Variants in KLC1 observed in about 807,000 individuals in gnomAD.
KLC1 encodes the protein kinesin light chain 1.
In KLC1, 30 loss-of-function variants were observed where a neutral mutation model predicts 84.2. That is an observed-to-expected ratio of 0.36 (90% CI 0.27 to 0.48). The LOEUF is 0.48. Among genes scored for constraint, KLC1 ranks in the 20% least tolerant of loss-of-function variants. The probability of loss-of-function intolerance (pLI) is 0.99; values close to 1 mark genes in which losing one functional copy is unlikely to be tolerated. For missense variants in KLC1, 499 were observed against 805.4 expected (o/e 0.62, Z 4.60); for synonymous variants, 289 against 293.3 (o/e 0.99, Z 0.15).
At chr14:103,680,076 T>C (rs1412374787) in intron 13 of KLC1, among the ~76,000 whole-genome samples, 3 of 152,226 alleles carry the variant, frequency 2.0e-5, no homozygotes, top group Non-Finnish European at 4.4e-5. Context: ...GCATTTCCCC[T>C]GAGAGGGCGT....
chr14:103,688,474 T>TA (rs1046369266), intron 14 of KLC1, among the ~76,000 whole-genome samples: 8 of 149,580 alleles, frequency 5.3e-5, no homozygotes, highest in East Asian at 3.9e-4. Context: ...AAAAGCTATT[T>TA]AAAAAAAAAA....
Position 103,665,276 on chromosome 14 carries a change from C to T in KLC1, c.797+2349C>T, listed in dbSNP as rs58002439. Among the ~76,000 whole-genome samples the T allele has an allele frequency of 6.2e-3, 936 of 151,402 alleles. 15 individuals carry two copies. The highest frequency in any genetic ancestry group is 0.02 in the African/African-American group (843 of 41,194). Reference sequence around the variant, plus strand: ...ATGTTGCTCAGGCTGGTCTCAAACTCCTGGGCTCCAAATGATCCTCCACCT... The same window carrying T: ...ATGTTGCTCAGGCTGGTCTCAAACTTCTGGGCTCCAAATGATCCTCCACCT... On this transcript the variant is annotated intron_variant, in intron 5 of 16. Transcript: ENST00000334553.
Position 103,700,671 on chromosome 14 carries a change from C to G in KLC1, c.1865C>G (p.Ala622Gly), listed in dbSNP as rs2083107580. 1.7e-5 allele frequency: 28 copies of G among 1,607,524 alleles called. No individual in the cohort carries two copies. Among genetic ancestry groups the G allele is most frequent in the East Asian group, 1.4e-4 (6 of 44,350 alleles). ...CATCTCCAGGGCGTCTCTGGCCGAG[C>G]CTCTTTTTGTGGAAAACGACAGCAG... The part of the protein sequence containing the change: ...EDRFQGVSGR[A>G]SFCGKRQQQQ... The change falls in exon 16 of 17, where the codon GCC becomes GGC. Residue 622 changes from alanine to glycine, a missense_variant. By Grantham distance (60) the Ala-to-Gly change is moderately conservative (BLOSUM62 0). Around this residue, in one of 3 missense-constraint regions of KLC1, gnomAD observed 167 missense variants for 208.8 expected, o/e 0.80. Transcript: ENST00000334553.
At position 103,629,260 on chromosome 14, in the gene KLC1, C is replaced by G. The variant is rs922568988; in HGVS notation, c.-236C>G. On this transcript the variant is annotated 5_prime_UTR_variant, in exon 1 of 17. Coordinates refer to ENST00000334553, the MANE Select transcript of KLC1 (RefSeq NM_001394837.1). The stretch of plus-strand genomic sequence containing the variant: ...GGCGGCCGAGCGGGACTGGCTGGGT[C>G]GGCTGGGCTGCTGGTGCGAGGAGCC... 6.5e-6 allele frequency: 1 copy of G among 153,020 alleles called. No individual in the cohort carries two copies. The highest frequency in any genetic ancestry group is 2.4e-5 in the African/African-American group (1 of 41,446). The allele number at this position is 153,020 out of a possible 1,614,324, so 9.5% of individuals were successfully genotyped here.
At chr14:103,698,337 T>G (rs1595613742) in intron 15 of KLC1, 10 of 182,750 alleles carry the variant, frequency 5.5e-5, no homozygotes, top group South Asian at 2.2e-4. Context: ...GGTGGGGGAG[T>G]AAGGACTGCC....
Position 103,701,282 on chromosome 14 carries a change from G to A in KLC1, c.*83G>A. 2.7e-6 allele frequency: 4 copies of A among 1,480,944 alleles called. No individual in the cohort carries two copies. Among genetic ancestry groups the A allele is most frequent in the Non-Finnish European group, 3.7e-6 (4 of 1,090,496 alleles). 91.7% of individuals were successfully genotyped at this position (1,480,944 alleles called of 1,614,324 possible). A position where few individuals can be genotyped will look rare whatever the true frequency, so the allele number is the denominator to read the frequency against. ...CCCGGGACAGCCAGGGCGGCAGGGAGGGCCCCTGGCCGGGAGCCGCAGCGC... is the reference window on the plus strand; with the variant it reads ...CCCGGGACAGCCAGGGCGGCAGGGAAGGCCCCTGGCCGGGAGCCGCAGCGC... On this transcript the variant is annotated 3_prime_UTR_variant, in exon 17 of 17. Coordinates refer to ENST00000334553, the MANE Select transcript of KLC1 (RefSeq NM_001394837.1).
At chr14:103,684,872 C>A (rs1050618090) in intron 13 of KLC1, 1 of 700,434 alleles carries the variant, frequency 1.4e-6, no homozygotes, top group Non-Finnish European at 2.7e-6. Flanking sequence ...CTGTTAATGA[C>A]GATACGTTAG....
intron 15 of KLC1, chr14:103,699,952 A>G: frequency 3.0e-6 from 1 of 338,926 alleles, no homozygotes; most frequent in Non-Finnish European, 5.8e-6. Flanking sequence ...ACAGGTCAGC[A>G]GCAACCAGCC....
At chr14:103,687,918 G>GT (rs2081882302) in intron 14 of KLC1, 1 of 152,216 alleles carries the variant, frequency 6.6e-6, no homozygotes, top group Non-Finnish European at 1.5e-5. Flanking sequence ...TGGCTTGGAC[G>GT]TATTTCTCAT....
intron 11 of KLC1, among the ~76,000 whole-genome samples, chr14:103,676,881 A>G (rs1397598891): frequency 6.6e-6 from 1 of 152,232 alleles, no homozygotes; most frequent in Non-Finnish European, 1.5e-5. Context: ...GAAAGAACAC[A>G]GAAACACAGC....
chr14:103,699,298 C>A, intron 15 of KLC1: 1 of 1,546,538 alleles, frequency 6.5e-7, no homozygotes, highest in East Asian at 2.4e-5. Context: ...ACCTCCAGAC[C>A]GGCTCTGCTT....
At position 103,698,475 on chromosome 14, in the gene KLC1, G is replaced by A. The variant is rs902157520; in HGVS notation, c.1849-2180G>A. The A allele has an allele frequency of 6.3e-5, 25 of 398,100 alleles. No individual in the cohort carries two copies. The Admixed American group carries it at 8.5e-4, about 14-fold the overall frequency. 24.7% of individuals were successfully genotyped at this position (398,100 alleles called of 1,614,324 possible). On this transcript the variant is annotated intron_variant, in intron 15 of 16. Coordinates refer to ENST00000334553, the MANE Select transcript of KLC1 (RefSeq NM_001394837.1). ...TCCATGTGGAGAGAAGAAGCAGGCG[G>A]CTCCCAGGGAGTCACTGTAGGACAC...
At chr14:103,692,789 ATAAT>A (rs756587502) in intron 15 of KLC1, among the ~76,000 whole-genome samples, 36 of 152,336 alleles carry the variant, frequency 2.4e-4, no homozygotes, top group East Asian at 7.7e-4. Context: ...ATAACTATTA[ATAAT>A]TAATTGTCTA....
chr14:103,662,121 C>G lies in KLC1; in HGVS notation c.498C>G (p.Asp166Glu), dbSNP rs1236534809. ...KYDDDISPSE[D>E]KDTDSTKEPL... ...GTCCTGGGTCTGTTTTATAGGAGGA[C>G]AAAGACACTGATTCTACCAAAGAGC... is the stretch of plus-strand genomic sequence containing the variant. The change falls in exon 4 of 17, where the codon GAC becomes GAG. Residue 166 changes from aspartate (D) to glutamate (E), a missense_variant. Physicochemically the swap from Asp to Glu is conservative, Grantham distance 45. This residue lies in a region of KLC1 where 179 missense variants were observed against 264.2 expected (regional missense o/e 0.68). Transcript: ENST00000334553. The G allele has an allele frequency of 1.9e-6, 3 of 1,613,130 alleles. No homozygotes were observed. In the African/African-American group the frequency reaches 4.0e-5, roughly 22 times the overall value.
chr14:103,659,800 G>T (rs56660916), intron 3 of KLC1, among the ~76,000 whole-genome samples: 46,264 of 151,894 alleles, frequency 0.3, 7,602 homozygotes, highest in Middle Eastern at 0.38. Flanking sequence ...CGGGCTGGAT[G>T]GCTTAACATT....
At position 103,679,367 on chromosome 14, in the gene KLC1, C is replaced by T. The variant is rs975513355; in HGVS notation, c.1489-17C>T. ...AGTGCTAATGGGTCAAACCATTTTC[C>T]CCTGCCTGGCTCACAGGGTCTTGAC... On this transcript the variant is annotated splice_polypyrimidine_tract_variant and intron_variant, in intron 12 of 16. Coordinates refer to ENST00000334553, the MANE Select transcript of KLC1 (RefSeq NM_001394837.1). 2.5e-6 allele frequency: 4 copies of T among 1,613,572 alleles called. No individual in the cohort carries two copies. The highest frequency in any genetic ancestry group is 3.4e-6 in the Non-Finnish European group (4 of 1,179,800).
intron 7 of KLC1, among the ~76,000 whole-genome samples, chr14:103,670,485 C>T (rs2080279769): frequency 6.6e-6 from 1 of 151,708 alleles, no homozygotes; most frequent in Non-Finnish European, 1.5e-5. Context: ...TACAGGGACA[C>T]ACCACCACGT....
chr14:103,685,940 T>C, intron 13 of KLC1: 3 of 1,116,316 alleles, frequency 2.7e-6, no homozygotes, highest in Non-Finnish European at 2.2e-6. Context: ...TTCACTTTGG[T>C]AACAGGTAGT....
chr14:103,646,400 A>C (rs1356948608), intron 1 of KLC1, among the ~76,000 whole-genome samples: 1 of 152,158 alleles, frequency 6.6e-6, no homozygotes, highest in Non-Finnish European at 1.5e-5. Flanking sequence ...TCCTGGGCTC[A>C]AGCCATCTTC....
Sources: allele counts gnomAD v4.1 joint callset (sites outside exome capture counted in the v4.1 genomes callset), GRCh38; gene constraint gnomAD v4.1.1; regional missense constraint gnomAD v4.1.1; transcripts MANE v1.5; gene names NCBI Gene and HGNC (gene_info 2026-07-23, HGNC 2026-07-21).